The following ANKRD22 variants were observed in gnomAD, a reference collection of about 807,000 sequenced individuals.
ANKRD22 encodes ankyrin repeat domain-containing protein 22.
A neutral mutation model predicts 25.7 loss-of-function variants in ANKRD22; 24 were observed. The observed-to-expected ratio is 0.93, with a 90% CI of 0.68 to 1.31. The LOEUF (loss-of-function observed/expected upper bound fraction) is 1.31, where lower values mean the gene tolerates loss of function less well. Among genes scored for constraint, ANKRD22 ranks in the 50% most tolerant of loss-of-function variants. ANKRD22 has a pLI of 0.00. For synonymous variants in ANKRD22, 84 were observed against 84.3 expected (o/e 1.00, Z 0.02); for missense variants, 214 against 227.1 (o/e 0.94, Z 0.37).
intron 3 of ANKRD22, 48 bp downstream of exon 3, chr10:88,828,511 A>G: frequency 7.3e-7 from 1 of 1,362,192 alleles, no homozygotes; most frequent in Non-Finnish European, 1.0e-6. Context: ...AATGAGTCAC[A>G]CCATCGATCT....
chr10:88,828,327 A>T (rs1383131179), intron 3 of ANKRD22, among the ~76,000 whole-genome samples: 1 of 152,236 alleles, frequency 6.6e-6, no homozygotes, highest in Non-Finnish European at 1.5e-5. Context: ...TATTTTTCTA[A>T]ATCAACATTG....
At position 88,829,177 on chromosome 10, in the gene ANKRD22, T is replaced by C. The variant is rs557430067; in HGVS notation, c.214-511A>G. On this transcript the variant is annotated intron_variant, in intron 2 of 5. Coordinates refer to ENST00000371930, the MANE Select transcript of ANKRD22 (RefSeq NM_144590.3). The stretch of plus-strand genomic sequence containing the variant: ...AAATATGTGAATACTTATCAGGTAA[T>C]AGATGTCAGCTTCCAAGGGTTGTGG... Among the ~76,000 whole-genome samples, 4 of 152,318 alleles carry C rather than the reference T, an allele frequency of 2.6e-5. No homozygotes were observed. In the South Asian group the frequency reaches 8.3e-4, roughly 32 times the overall value.
At chr10:88,840,095 TG>T (rs1843990522) in intron 1 of ANKRD22, among the ~76,000 whole-genome samples, 1 of 152,166 alleles carries the variant, frequency 6.6e-6, no homozygotes, top group African/African-American at 2.4e-5. Flanking sequence ...TTCAAAACTC[TG>T]GAATAATGGA....
Position 88,851,816 on chromosome 10 carries a change from A to C in ANKRD22, c.-209T>G. 1 of 576,956 alleles carries C rather than the reference A, an allele frequency of 1.7e-6. No homozygotes were observed. The highest frequency in any genetic ancestry group is 2.1e-5 in the South Asian group (1 of 48,406). 35.7% of individuals were successfully genotyped at this position (576,956 alleles called of 1,614,324 possible). The stretch of plus-strand genomic sequence containing the variant: ...GCACACCTTCCAGAGAGCCCAGCCC[A>C]ATGAAACAAAGGCACTGGTGTCATG... On this transcript the variant is annotated 5_prime_UTR_variant, in exon 1 of 6. The change creates a new upstream start codon in the 5' untranslated region. Coordinates refer to ENST00000371930, the MANE Select transcript of ANKRD22 (RefSeq NM_144590.3).
chr10:88,838,108 G>A (rs1021989210), intron 1 of ANKRD22, among the ~76,000 whole-genome samples: 52 of 152,194 alleles, frequency 3.4e-4, no homozygotes, highest in African/African-American at 1.3e-3. Flanking sequence ...TGAGCATGAT[G>A]GGGAAGATTT....
intron 1 of ANKRD22, among the ~76,000 whole-genome samples, chr10:88,848,430 G>A (rs549866945): frequency 6.6e-6 from 1 of 152,112 alleles, no homozygotes; most frequent in South Asian, 2.1e-4. Flanking sequence ...CAATATACAA[G>A]GAAAGAATTA....
chr10:88,847,668 C>A (rs537990797), intron 1 of ANKRD22, among the ~76,000 whole-genome samples: 217 of 149,746 alleles, frequency 1.4e-3, no homozygotes, highest in African/African-American at 5.0e-3. Flanking sequence ...CTTTTTTTTT[C>A]TTATCACTGT....
chr10:88,823,683 C>G (rs1328569991), intron 4 of ANKRD22, among the ~76,000 whole-genome samples: 1 of 152,000 alleles, frequency 6.6e-6, no homozygotes, highest in Admixed American at 6.5e-5. Flanking sequence ...AAAAAATTAG[C>G]CGGGCGCGGT....
intron 3 of ANKRD22, 22 bp from the exon 4 acceptor site, chr10:88,826,137 A>G: frequency 1.9e-6 from 3 of 1,567,798 alleles, no homozygotes; most frequent in Middle Eastern, 1.7e-4. Context: ...GGTAATTATA[A>G]GAAAGGCTTA....
chr10:88,829,778 T>G (rs1192077965), intron 2 of ANKRD22, among the ~76,000 whole-genome samples: 1 of 152,240 alleles, frequency 6.6e-6, no homozygotes, highest in African/African-American at 2.4e-5. Flanking sequence ...GTTTTGTTTT[T>G]GTTTTTGTTT....
At chr10:88,829,684 T>C (rs1239634923) in intron 2 of ANKRD22, among the ~76,000 whole-genome samples, 1 of 152,248 alleles carries the variant, frequency 6.6e-6, no homozygotes, top group African/African-American at 2.4e-5. Context: ...ATGATTGTAA[T>C]GGCTGCATGG....
At position 88,851,690 on chromosome 10, in the gene ANKRD22, T is replaced by G. The variant is rs901320758; in HGVS notation, c.-83A>C. The G allele has an allele frequency of 5.2e-6, 8 of 1,551,230 alleles. No homozygotes were observed. Among genetic ancestry groups the G allele is most frequent in the Non-Finnish European group, 6.2e-6 (7 of 1,125,198 alleles). ...TTCTGATGAATATCAAAATCCTTCC[T>G]GGCTGAGAGGAAAGTCCCTAGAAGT... is the stretch of plus-strand genomic sequence containing the variant. On this transcript the variant is annotated 5_prime_UTR_variant, in exon 1 of 6. Transcript: ENST00000371930.
chr10:88,822,338 C>T lies in ANKRD22; in HGVS notation c.*603G>A, dbSNP rs1213471938. On this transcript the variant is annotated 3_prime_UTR_variant, in exon 6 of 6. Transcript: ENST00000371930. The stretch of plus-strand genomic sequence containing the variant: ...CTAAGCCCACACACATACACAAATA[C>T]CATTCTGTACAAACATACGTATTTA... 1 of 152,022 alleles carries T rather than the reference C, an allele frequency of 6.6e-6. No homozygotes were observed. The highest frequency in any genetic ancestry group is 2.4e-5 in the African/African-American group (1 of 41,392). The allele number at this position is 152,022 out of a possible 1,614,324, so 9.4% of individuals were successfully genotyped here.
At position 88,823,328 on chromosome 10, in the gene ANKRD22, A is replaced by G. The variant is rs768163475; in HGVS notation, c.450T>C (p.Leu150=). ...CACGGGCTTCCAAGAGCAGAGGGAT[A>G]AGAGACTGGTTTTTCATTTCACAGG... ...HYACEMKNQS[L]IPLLLEARAD... The change falls in exon 5 of 6, where the codon CTT becomes CTC. Residue 150 remains leucine, a synonymous_variant. Transcript: ENST00000371930. The G allele has an allele frequency of 1.2e-4, 188 of 1,614,018 alleles. No homozygotes were observed. Among genetic ancestry groups the G allele is most frequent in the Middle Eastern group, 1.6e-4 (1 of 6,084 alleles).
chr10:88,821,161 C>T lies in ANKRD22; in HGVS notation c.*1780G>A, dbSNP rs1284829674. Among the ~76,000 whole-genome samples, 2 of 152,180 alleles carry T rather than the reference C, an allele frequency of 1.3e-5. No individual in the cohort carries two copies. The highest frequency in any genetic ancestry group is 4.8e-5 in the African/African-American group (2 of 41,434). ...TTCAGTGTCTAGATTCTAGTCCAAG[C>T]TTGTTGGAAGGTTTACAGCTTGTTG... On this transcript the variant is annotated 3_prime_UTR_variant, in exon 6 of 6. Transcript: ENST00000371930.
intron 1 of ANKRD22, among the ~76,000 whole-genome samples, chr10:88,850,525 T>G (rs1297361839): frequency 1.3e-5 from 2 of 152,182 alleles, no homozygotes; most frequent in African/African-American, 2.4e-5. Flanking sequence ...AGTATACTTT[T>G]GTATCCTACC....
chr10:88,841,459 C>T (rs942920040), intron 1 of ANKRD22, among the ~76,000 whole-genome samples: 1 of 152,130 alleles, frequency 6.6e-6, no homozygotes, highest in South Asian at 2.1e-4. Flanking sequence ...CTAGTTTCAA[C>T]CTACAAAAGA....
chr10:88,847,060 T>C (rs1040205929), intron 1 of ANKRD22, among the ~76,000 whole-genome samples: 22 of 152,214 alleles, frequency 1.4e-4, no homozygotes, highest in Admixed American at 6.5e-5. Context: ...TCCTGTTTCA[T>C]GATCAGCATA....
At position 88,851,612 on chromosome 10, in the gene ANKRD22, G is replaced by A; in HGVS notation, c.-5C>T. The stretch of plus-strand genomic sequence containing the variant: ...CTCAGAGTATAGGATTCCCATGCTG[G>A]TCCTTCACAGGCTTACTTCACCTCT... On this transcript the variant is annotated 5_prime_UTR_variant, in exon 1 of 6. Coordinates refer to ENST00000371930, the MANE Select transcript of ANKRD22 (RefSeq NM_144590.3). 2.5e-6 allele frequency: 4 copies of A among 1,613,272 alleles called. No individual in the cohort carries two copies. Among genetic ancestry groups the A allele is most frequent in the Non-Finnish European group, 3.4e-6 (4 of 1,179,468 alleles).
Sources: allele counts gnomAD v4.1 joint callset (sites outside exome capture counted in the v4.1 genomes callset), GRCh38; gene constraint gnomAD v4.1.1; transcripts MANE v1.5; gene names NCBI Gene and HGNC (gene_info 2026-07-23, HGNC 2026-07-21).